Variants in HS6ST2 observed in about 807,000 individuals in gnomAD.
HS6ST2 encodes the protein heparan sulfate 6-O-sulfotransferase 2.
Under a neutral mutation model 33.0 loss-of-function variants are expected in HS6ST2, and 17 were observed. The ratio of observed to expected loss-of-function variants is 0.52; its 90% CI spans 0.35 to 0.77. The LOEUF is 0.77. Among genes scored for constraint, HS6ST2 ranks in the 30% least tolerant of loss-of-function variants. The pLI is 0.01. For synonymous variants in HS6ST2, 248 were observed against 237.1 expected (o/e 1.05, Z -0.42); for missense variants, 519 against 551.7 (o/e 0.94, Z 0.59).
chrX:132,628,553 C>A lies in HS6ST2; in HGVS notation c.1608G>T (p.Leu536Phe). 1 of 1,210,639 alleles carries A rather than the reference C, an allele frequency of 8.3e-7. No homozygotes were observed. The highest frequency in any genetic ancestry group is 1.1e-6 in the Non-Finnish European group (1 of 895,124). Residue 536 changes from leucine to phenylalanine, a missense_variant, in exon 5 of 5, where the codon TTG (leucine) becomes TTT (phenylalanine). Physicochemically the swap from Leu to Phe is conservative, Grantham distance 22. Coordinates refer to ENST00000370833, the MANE Select transcript of HS6ST2 (RefSeq NM_001394073.1). ...ELYSYAKDLF[L>F]QRYQFMRQKE... ...TCTGCCTCATAAACTGATACCTCTG[C>A]AAAAAAAGGTCTTTGGCATAGCTGT...
At chrX:132,692,251 T>A (rs1433876887) in intron 3 of HS6ST2, among the ~76,000 whole-genome samples, 1 of 111,329 alleles carries the variant, frequency 9.0e-6, no homozygotes, top group Non-Finnish European at 1.9e-5. Context: ...GGACAAGTGA[T>A]GCAACTGCAG....
In HS6ST2 at chrX:132,752,572, C is replaced by T. The variant is rs186709376; in HGVS notation, c.948-44078G>A. 1.1e-4 allele frequency among the ~76,000 whole-genome samples: 12 copies of T among 111,311 alleles called. No individual in the cohort carries two copies. The South Asian group carries it at 2.7e-3, about 25-fold the overall frequency. Reference sequence around the variant, plus strand: ...GCTTTGAACGATCTTCTCACGCAGACGCTGATCAGAAATGGGATGGTATGC... The same window carrying T: ...GCTTTGAACGATCTTCTCACGCAGATGCTGATCAGAAATGGGATGGTATGC... On this transcript the variant is annotated intron_variant, in intron 2 of 4. Transcript: ENST00000370833.
At chrX:132,917,857 T>C (rs2066609610) in intron 2 of HS6ST2, among the ~76,000 whole-genome samples, 1 of 111,961 alleles carries the variant, frequency 8.9e-6, no homozygotes, top group African/African-American at 3.3e-5. Flanking sequence ...TGGGCCTGCC[T>C]GACCAGGGAC....
At chrX:132,734,244 A>T (rs1048526564) in intron 2 of HS6ST2, among the ~76,000 whole-genome samples, 28 of 108,571 alleles carry the variant, frequency 2.6e-4, no homozygotes, top group Non-Finnish European at 4.6e-4. Flanking sequence ...GTGGCACTTC[A>T]TTAACAAAAC....
At chrX:132,740,654 G>A (rs950435712) in intron 2 of HS6ST2, among the ~76,000 whole-genome samples, 15 of 111,354 alleles carry the variant, frequency 1.3e-4, no homozygotes, top group Non-Finnish European at 2.4e-4. Context: ...CTTTAGAAAG[G>A]GGGAAAAAAA....
chrX:132,639,205 A>T (rs2063583581), intron 4 of HS6ST2, among the ~76,000 whole-genome samples: 1 of 111,841 alleles, frequency 8.9e-6, no homozygotes, highest in Non-Finnish European at 1.9e-5. Flanking sequence ...CCTTTTTCCC[A>T]AAGCCCAGTA....
At chrX:132,668,269 C>T (rs2063825057) in intron 4 of HS6ST2, 1 of 111,381 alleles carries the variant, frequency 9.0e-6, no homozygotes, top group South Asian at 3.8e-4. Context: ...TTCATTTTCT[C>T]CTAGATGCAG....
chrX:132,739,968 G>T (rs920294597), intron 2 of HS6ST2, among the ~76,000 whole-genome samples: 4 of 110,917 alleles, frequency 3.6e-5, no homozygotes, highest in Non-Finnish European at 5.7e-5. Flanking sequence ...GTTAAGATTT[G>T]TAGACATAAA....
At chrX:132,876,962 GAAT>G (rs1455366606) in intron 2 of HS6ST2, among the ~76,000 whole-genome samples, 4 of 112,198 alleles carry the variant, frequency 3.6e-5, no homozygotes, top group Non-Finnish European at 5.6e-5. Flanking sequence ...AATTCTAAAA[GAAT>G]AATATTTAGT....
chrX:132,871,859 CCATGG>C (rs1489802049), intron 2 of HS6ST2, among the ~76,000 whole-genome samples: 1 of 111,001 alleles, frequency 9.0e-6, no homozygotes, highest in Non-Finnish European at 1.9e-5. Context: ...CAGCAAACCA[CCATGG>C]CATGTGTATA....
chrX:132,902,433 C>A (rs1262069353), intron 2 of HS6ST2, among the ~76,000 whole-genome samples: 2 of 112,432 alleles, frequency 1.8e-5, no homozygotes, highest in Non-Finnish European at 3.7e-5. Context: ...AGCACTGAGA[C>A]TGTGCCTGGC....
chrX:132,955,288 G>A (rs2067056696), intron 2 of HS6ST2, among the ~76,000 whole-genome samples: 3 of 112,319 alleles, frequency 2.7e-5, no homozygotes, highest in South Asian at 7.5e-4. Flanking sequence ...TTTTCTTGGG[G>A]TGGAAGAAAA....
intron 2 of HS6ST2, among the ~76,000 whole-genome samples, chrX:132,944,480 C>A (rs2066922312): frequency 8.9e-6 from 1 of 111,771 alleles, no homozygotes; most frequent in Non-Finnish European, 1.9e-5. Flanking sequence ...CAATGACTTT[C>A]TTCACAGAAT....
At chrX:132,692,932 C>T (rs1039698469) in intron 3 of HS6ST2, among the ~76,000 whole-genome samples, 1 of 111,343 alleles carries the variant, frequency 9.0e-6, no homozygotes, top group Non-Finnish European at 1.9e-5. Context: ...GTGTGGTTCT[C>T]GGCAAATGTT....
intron 2 of HS6ST2, among the ~76,000 whole-genome samples, chrX:132,898,928 T>C (rs1442826644): frequency 9.1e-6 from 1 of 109,993 alleles, no homozygotes; most frequent in Admixed American, 9.8e-5. Context: ...AAAGAAAAAG[T>C]AGGAGGGCCA....
chrX:132,679,782 C>T (rs1468699146), intron 3 of HS6ST2, among the ~76,000 whole-genome samples: 3 of 108,670 alleles, frequency 2.8e-5, no homozygotes, highest in Non-Finnish European at 5.7e-5. Flanking sequence ...GACCCACCCC[C>T]AGGCGCGTAT....
At chrX:132,793,620 A>C (rs1336014505) in intron 2 of HS6ST2, among the ~76,000 whole-genome samples, 2 of 112,103 alleles carry the variant, frequency 1.8e-5, no homozygotes, top group Non-Finnish European at 3.8e-5. Flanking sequence ...CTATGCCTGG[A>C]CTTATTACAT....
intron 2 of HS6ST2, among the ~76,000 whole-genome samples, chrX:132,751,105 T>C (rs2064703169): frequency 8.9e-6 from 1 of 111,852 alleles, no homozygotes; most frequent in Non-Finnish European, 1.9e-5. Context: ...GGAAACGCTA[T>C]TCATGGTTTC....
chrX:132,814,969 A>T (rs1458354086), intron 2 of HS6ST2, among the ~76,000 whole-genome samples: 1 of 112,024 alleles, frequency 8.9e-6, no homozygotes, highest in Non-Finnish European at 1.9e-5. Context: ...AGCCTTTCTT[A>T]TACCCTTTAT....
Sources: gnomAD v4.1 joint callset for allele counts (sites outside exome capture counted in the v4.1 genomes callset) on GRCh38, gnomAD v4.1.1 for gene constraint, MANE v1.5 for transcripts, NCBI Gene and HGNC (gene_info 2026-07-23, HGNC 2026-07-21) for gene names.